TRPS1: variants seen among roughly 807,000 people sequenced by gnomAD.
TRPS1 encodes zinc finger transcription factor Trps1.
In TRPS1, 6 loss-of-function variants were observed where a neutral mutation model predicts 101.2. The ratio of observed to expected loss-of-function variants is 0.06; its 90% CI spans 0.03 to 0.12. TRPS1 has a LOEUF of 0.12. Ranked by LOEUF, TRPS1 falls within the 10% of genes least tolerant of loss-of-function variation. The pLI is 1.00. For missense variants in TRPS1, 1,363 were observed against 1,567.0 expected (o/e 0.87, Z 2.20); for synonymous variants, 578 against 589.8 (o/e 0.98, Z 0.29).
chr8:115,602,172 C>T (rs947377191), intron 4 of TRPS1, among the ~76,000 whole-genome samples: 9 of 151,802 alleles, frequency 5.9e-5, no homozygotes, highest in East Asian at 1.9e-4. Context: ...TGCGCACATA[C>T]GTGGGTGTGC....
chr8:115,518,044 G>T (rs1386310948), intron 5 of TRPS1, among the ~76,000 whole-genome samples: 2 of 113,322 alleles, frequency 1.8e-5, no homozygotes, highest in Non-Finnish European at 3.6e-5. Flanking sequence ...GGAAATGAAG[G>T]GCCAGAGGTC....
intron 5 of TRPS1, among the ~76,000 whole-genome samples, chr8:115,491,961 T>C (rs1815033859): frequency 6.6e-6 from 1 of 152,216 alleles, no homozygotes; most frequent in Non-Finnish European, 1.5e-5. Flanking sequence ...ATGGCTTTTC[T>C]TTTTGTAATA....
At chr8:115,597,127 T>C (rs1817806496) in intron 4 of TRPS1, among the ~76,000 whole-genome samples, 1 of 151,970 alleles carries the variant, frequency 6.6e-6, no homozygotes, top group Admixed American at 6.6e-5. Flanking sequence ...ATTATGAACA[T>C]TTTTGCACGT....
chr8:115,511,646 C>A (rs1046108164), intron 5 of TRPS1, among the ~76,000 whole-genome samples: 1 of 151,870 alleles, frequency 6.6e-6, no homozygotes, highest in Non-Finnish European at 1.5e-5. Context: ...AAAGATCTGA[C>A]ATATTCTGGG....
intron 3 of TRPS1, among the ~76,000 whole-genome samples, chr8:115,611,621 A>G (rs77617786): frequency 1.3e-3 from 204 of 152,322 alleles, no homozygotes; most frequent in Middle Eastern, 3.4e-3. Flanking sequence ...CTGTGGACAG[A>G]TGAGCTGATA....
chr8:115,452,811 A>G (rs1249448104), intron 5 of TRPS1, among the ~76,000 whole-genome samples: 2 of 152,160 alleles, frequency 1.3e-5, no homozygotes, highest in Non-Finnish European at 2.9e-5. Context: ...TTTTAGTTGA[A>G]ACTGAGAAAA....
chr8:115,412,855 A>G lies in TRPS1; in HGVS notation c.*1168T>C, dbSNP rs933597388. On this transcript the variant is annotated 3_prime_UTR_variant, in exon 7 of 7. Transcript: ENST00000395715. ...CAAAGCCTTAAGTATTAAAAGTTCTATGAGGACATACTTCTAAGAATCCTA... is the reference window on the plus strand; with the variant it reads ...CAAAGCCTTAAGTATTAAAAGTTCTGTGAGGACATACTTCTAAGAATCCTA... 3.3e-5 allele frequency: 5 copies of G among 152,570 alleles called. No homozygotes were observed. The highest frequency in any genetic ancestry group is 7.4e-5 in the Non-Finnish European group (5 of 68,006). The allele number at this position is 152,570 out of a possible 1,614,324, so 9.5% of individuals were successfully genotyped here. A position where few individuals can be genotyped will look rare whatever the true frequency, so the allele number is the denominator to read the frequency against.
intron 5 of TRPS1, among the ~76,000 whole-genome samples, chr8:115,546,619 C>T (rs1045346611): frequency 5.3e-5 from 8 of 150,636 alleles, no homozygotes; most frequent in African/African-American, 1.5e-4. Context: ...CACAGAGCCA[C>T]GGAGGTTTTA....
chr8:115,509,493 T>A (rs1815527780), intron 5 of TRPS1: 1 of 152,004 alleles, frequency 6.6e-6, no homozygotes, highest in African/African-American at 2.4e-5. Context: ...GGCCAAATAT[T>A]AAACCTAAAG....
rs545303381 is a variant in TRPS1 at position 115,473,237 on chromosome 8, T to C, written c.2701-54785A>G. On this transcript the variant is annotated intron_variant, in intron 5 of 6. Coordinates refer to ENST00000395715, the MANE Select transcript of TRPS1 (RefSeq NM_014112.5). ...TAGTTCCACATGGCTGGGAAGGCCT[T>C]GGGAAACTTATAATCCTGGTGGAAG... Among the ~76,000 whole-genome samples, 14 of 152,164 alleles carry C rather than the reference T, an allele frequency of 9.2e-5. No homozygotes were observed. In the East Asian group the frequency reaches 2.7e-3, roughly 29 times the overall value.
chr8:115,639,226 G>A (rs1818839535), intron 1 of TRPS1, among the ~76,000 whole-genome samples: 1 of 152,082 alleles, frequency 6.6e-6, no homozygotes, highest in Admixed American at 6.6e-5. Context: ...ACCATTCTGG[G>A]TTAATTGAAT....
chr8:115,632,201 T>C (rs1257009867), intron 1 of TRPS1, among the ~76,000 whole-genome samples: 1 of 152,062 alleles, frequency 6.6e-6, no homozygotes, highest in Non-Finnish European at 1.5e-5. Flanking sequence ...ATGTAATAGG[T>C]TTATTAAATA....
At chr8:115,512,291 T>C (rs879700835) in intron 5 of TRPS1, among the ~76,000 whole-genome samples, 5 of 151,676 alleles carry the variant, frequency 3.3e-5, no homozygotes, top group Admixed American at 6.6e-5. Context: ...GGTTGCCTTT[T>C]AAAAAAATCT....
At chr8:115,575,934 A>G (rs1817307663) in intron 5 of TRPS1, among the ~76,000 whole-genome samples, 1 of 152,124 alleles carries the variant, frequency 6.6e-6, no homozygotes, top group African/African-American at 2.4e-5. Context: ...CACCCCACCT[A>G]CTAAAATTAG....
intron 1 of TRPS1, among the ~76,000 whole-genome samples, chr8:115,652,157 G>A (rs556204636): frequency 6.6e-6 from 1 of 152,324 alleles, no homozygotes; most frequent in East Asian, 1.9e-4. Flanking sequence ...CAAGCCAGAA[G>A]AGATACCCAA....
At chr8:115,446,823 G>A (rs1272157460) in intron 5 of TRPS1, among the ~76,000 whole-genome samples, 1 of 152,062 alleles carries the variant, frequency 6.6e-6, no homozygotes, top group Non-Finnish European at 1.5e-5. Flanking sequence ...CTTCCTTTCT[G>A]CTCTATTCTG....
At chr8:115,511,069 T>C (rs1273783521) in intron 5 of TRPS1, 18 of 151,910 alleles carry the variant, frequency 1.2e-4, no homozygotes, top group Admixed American at 1.1e-3. Flanking sequence ...CCACAGAGTA[T>C]ACACGTCAAG....
intron 3 of TRPS1, among the ~76,000 whole-genome samples, chr8:115,615,442 T>A (rs1818255849): frequency 6.6e-6 from 1 of 152,180 alleles, no homozygotes; most frequent in South Asian, 2.1e-4. Flanking sequence ...CATTCAGTAA[T>A]GGTTTAAATA....
chr8:115,518,606 CT>C (rs1330745645), intron 5 of TRPS1, among the ~76,000 whole-genome samples: 1 of 151,740 alleles, frequency 6.6e-6, no homozygotes, highest in East Asian at 1.9e-4. Flanking sequence ...TAAAGTGGAG[CT>C]TCCAAATTTG....
Sources: gnomAD v4.1 joint callset for allele counts (sites outside exome capture counted in the v4.1 genomes callset) on GRCh38, gnomAD v4.1.1 for gene constraint, MANE v1.5 for transcripts, NCBI Gene and HGNC (gene_info 2026-07-23, HGNC 2026-07-21) for gene names.